Variants in ATXN2 observed in about 807,000 individuals in gnomAD.
The protein encoded by ATXN2 is ataxin 2, also known as ataxin-2.
In ATXN2, 37 loss-of-function variants were observed where a neutral mutation model predicts 138.6. The observed-to-expected ratio is 0.27, with a 90% CI of 0.21 to 0.35. The LOEUF (loss-of-function observed/expected upper bound fraction) is 0.35, where lower values mean the gene tolerates loss of function less well. Among genes scored for constraint, ATXN2 ranks in the 10% least tolerant of loss-of-function variants. The pLI, the probability that ATXN2 is intolerant of heterozygous loss-of-function variation, is 1.00. For missense variants in ATXN2, 1,216 were observed against 1,480.3 expected (o/e 0.82, Z 2.93); for synonymous variants, 549 against 543.7 (o/e 1.01, Z -0.13).
At chr12:111,474,199 T>TG (rs1244698637) in intron 18 of ATXN2, among the ~76,000 whole-genome samples, 2 of 152,028 alleles carry the variant, frequency 1.3e-5, no homozygotes, top group Non-Finnish European at 2.9e-5. Flanking sequence ...CCAGCTTGGG[T>TG]GACAGAGTTA....
At chr12:111,510,633 T>C in intron 11 of ATXN2, 51 bp from the exon 12 acceptor site, 3 of 1,498,512 alleles carry the variant, frequency 2.0e-6, no homozygotes, top group Non-Finnish European at 2.7e-6. Flanking sequence ...AAATGTTACT[T>C]CCTAAAAGAG....
At chr12:111,507,901 AGG>A (rs1240188911) in intron 14 of ATXN2, among the ~76,000 whole-genome samples, 1 of 152,224 alleles carries the variant, frequency 6.6e-6, no homozygotes, top group Non-Finnish European at 1.5e-5. Context: ...TGTGTCACTC[AGG>A]GTTAAATGGA....
rs918780837 is a variant in ATXN2 at position 111,598,456 on chromosome 12, G to A, written c.251+328C>T. On this transcript the variant is annotated intron_variant, in intron 1 of 24. Coordinates refer to ENST00000673436, the MANE Select transcript of ATXN2 (RefSeq NM_001372574.1). This position sits in a 1 kb window ranked among gnomAD's most constrained non-coding sequence, Gnocchi z 4.5. Reference sequence around the variant, plus strand: ...GCTGCGGGCGGAGGATCGTGCGGAAGGGGGAGCCGGGGCTGACCATCGCCG... The same window carrying A: ...GCTGCGGGCGGAGGATCGTGCGGAAAGGGGAGCCGGGGCTGACCATCGCCG... 18 of 985,494 alleles carry A rather than the reference G, an allele frequency of 1.8e-5. No individual in the cohort carries two copies. Among genetic ancestry groups the A allele is most frequent in the South Asian group, 4.7e-5 (1 of 21,294 alleles). The allele number at this position is 985,494 out of a possible 1,614,324, so 61.0% of individuals were successfully genotyped here.
intron 20 of ATXN2, among the ~76,000 whole-genome samples, chr12:111,466,479 C>A (rs747868672): frequency 1.3e-4 from 20 of 151,596 alleles, no homozygotes; most frequent in East Asian, 5.8e-4. Context: ...CCAGCCTGGG[C>A]GACAGGGAGA....
chr12:111,569,648 C>T (rs893601571), intron 1 of ATXN2, among the ~76,000 whole-genome samples: 3 of 152,086 alleles, frequency 2.0e-5, no homozygotes, highest in Non-Finnish European at 2.9e-5. Flanking sequence ...CCCAGGAAGT[C>T]GAGGCTGCAG....
At chr12:111,579,850 C>T (rs573368276) in intron 1 of ATXN2, among the ~76,000 whole-genome samples, 99 of 151,982 alleles carry the variant, frequency 6.5e-4, no homozygotes, top group Non-Finnish European at 6.9e-4. Flanking sequence ...CAGGAGCGCG[C>T]CACCGTGCCT....
At chr12:111,597,844 G>A (rs1016653251) in intron 1 of ATXN2, 9 of 1,284,764 alleles carry the variant, frequency 7.0e-6, no homozygotes, top group Non-Finnish European at 9.1e-6. Flanking sequence ...AGTGCGCAGG[G>A]TGCCCGCCCC....
At chr12:111,527,634 T>C (rs1880571496) in intron 5 of ATXN2, among the ~76,000 whole-genome samples, 4 of 152,182 alleles carry the variant, frequency 2.6e-5, no homozygotes, top group Admixed American at 2.6e-4. Flanking sequence ...ACTACTCCCA[T>C]TGCTAGCAAT....
intron 14 of ATXN2, among the ~76,000 whole-genome samples, chr12:111,495,264 C>T (rs546956028): frequency 1.3e-5 from 2 of 149,574 alleles, no homozygotes; most frequent in Admixed American, 6.7e-5. Flanking sequence ...GCTGAGATAG[C>T]GCCATTGCCC....
intron 1 of ATXN2, among the ~76,000 whole-genome samples, chr12:111,563,348 T>C (rs1322272107): frequency 6.6e-6 from 1 of 152,152 alleles, no homozygotes; most frequent in Non-Finnish European, 1.5e-5. Flanking sequence ...ACATATTTAC[T>C]GGTTCTTGAC....
chr12:111,537,359 C>A (rs676767), intron 5 of ATXN2, among the ~76,000 whole-genome samples: 31,213 of 151,534 alleles, frequency 0.21, 3,323 homozygotes, highest in East Asian at 0.33. Context: ...CCGAGGTGGG[C>A]AGATCACTTG....
At chr12:111,496,712 A>T (rs973635969) in intron 14 of ATXN2, among the ~76,000 whole-genome samples, 7 of 152,158 alleles carry the variant, frequency 4.6e-5, no homozygotes, top group African/African-American at 1.7e-4. Context: ...AACACAGCTT[A>T]TCAAAACCTA....
intron 14 of ATXN2, among the ~76,000 whole-genome samples, chr12:111,504,501 A>C (rs1878982438): frequency 6.6e-6 from 1 of 151,978 alleles, no homozygotes; most frequent in Non-Finnish European, 1.5e-5. Flanking sequence ...ATTTGGTCAG[A>C]CTGGTTTCGA....
chr12:111,541,869 G>A (rs1007176793), intron 5 of ATXN2, among the ~76,000 whole-genome samples: 5 of 146,362 alleles, frequency 3.4e-5, no homozygotes, highest in African/African-American at 9.9e-5. Flanking sequence ...CTCCACCTAC[G>A]GGGTTCGAGT....
At chr12:111,592,432 A>G (rs1884716066) in intron 1 of ATXN2, among the ~76,000 whole-genome samples, 1 of 151,612 alleles carries the variant, frequency 6.6e-6, no homozygotes, top group African/African-American at 2.4e-5. Context: ...AACATCATAG[A>G]TGACCCAGAT....
At position 111,598,670 on chromosome 12, in the gene ATXN2, GC is replaced by G; in HGVS notation, c.251+113del. On this transcript the variant is annotated intron_variant, in intron 1 of 24. Transcript: ENST00000673436. This position sits in a 1 kb window ranked among gnomAD's most constrained non-coding sequence, Gnocchi z 4.5. ...CGAGCGAGTCTCCCCCGCGCTGCCG[GC>G]CCCCAGCCCACCCCGGGTAGCCCGG... The G allele has an allele frequency of 1.2e-6, 1 of 858,290 alleles. No homozygotes were observed. Among genetic ancestry groups the G allele is most frequent in the Non-Finnish European group, 1.4e-6 (1 of 709,696 alleles). 53.2% of individuals were successfully genotyped at this position (858,290 alleles called of 1,614,324 possible).
chr12:111,599,124 C>T lies in ATXN2; in HGVS notation c.-90G>A. On this transcript the variant is annotated 5_prime_UTR_variant, in exon 1 of 25. Transcript: ENST00000673436. ...GAGACGCCGGAACGCGGCGGGGACG[C>T]GCGGGCGCCGAGCGGGGAGGCGCGG... is the stretch of plus-strand genomic sequence containing the variant. 2.4e-6 allele frequency: 3 copies of T among 1,235,340 alleles called. No individual in the cohort carries two copies. Among genetic ancestry groups the T allele is most frequent in the Non-Finnish European group, 3.0e-6 (3 of 991,152 alleles). 76.5% of individuals were successfully genotyped at this position (1,235,340 alleles called of 1,614,324 possible). A position where few individuals can be genotyped will look rare whatever the true frequency, so the allele number is the denominator to read the frequency against.
chr12:111,590,610 G>A (rs777541848), intron 1 of ATXN2, among the ~76,000 whole-genome samples: 4 of 151,704 alleles, frequency 2.6e-5, no homozygotes, highest in African/African-American at 4.8e-5. Flanking sequence ...GCTTGAACCC[G>A]GGAGGCAGAG....
In ATXN2 at chr12:111,547,777, T is replaced by TAA. The variant is rs533666242; in HGVS notation, c.571+4501_571+4502dup. Among the ~76,000 whole-genome samples the TAA allele has an allele frequency of 4.3e-4, 38 of 88,974 alleles. No individual in the cohort carries two copies. In the East Asian group the frequency reaches 5.2e-3, roughly 12 times the overall value. 58.4% of individuals were successfully genotyped at this position (88,974 alleles called of 152,430 possible). A position where few individuals can be genotyped will look rare whatever the true frequency, so the allele number is the denominator to read the frequency against. On this transcript the variant is annotated intron_variant, in intron 5 of 24. Transcript: ENST00000673436. ...TTTCCCCAAAAATAAAGCCAAAGAT[T>TAA]AAAAAAAAAAAAAAAAAACTTGAAC...
Sources: gnomAD v4.1 joint callset for allele counts (sites outside exome capture counted in the v4.1 genomes callset) on GRCh38, gnomAD v4.1.1 for gene constraint, Gnocchi (gnomAD v3.1) non-coding constraint, MANE v1.5 for transcripts, NCBI Gene and HGNC (gene_info 2026-07-23, HGNC 2026-07-21) for gene names.